The following MACF1 variants were observed in gnomAD, a reference collection of about 807,000 sequenced individuals.
MACF1 encodes the protein microtubule-actin cross-linking factor 1.
Under a neutral mutation model 854.8 loss-of-function variants are expected in MACF1, and 193 were observed. That is an observed-to-expected ratio of 0.23 (90% CI 0.20 to 0.25). The LOEUF (loss-of-function observed/expected upper bound fraction) is 0.25, where lower values mean the gene tolerates loss of function less well. MACF1 is among the 10% of genes least tolerant of loss of function. The pLI is 1.00. For synonymous variants in MACF1, 3,185 were observed against 3,226.7 expected (o/e 0.99, Z 0.44); for missense variants, 7,722 against 8,929.1 (o/e 0.86, Z 5.45).
intron 72 of MACF1, among the ~76,000 whole-genome samples, chr1:39,440,467 A>C (rs149440637): frequency 9.6e-4 from 146 of 152,146 alleles, no homozygotes; most frequent in East Asian, 7.9e-3. Context: ...GCATAAGCCA[A>C]GCCTATCTTG....
intron 56 of MACF1, 62 bp from the exon 57 acceptor site, chr1:39,385,372 A>T (rs925322223): frequency 5.8e-6 from 9 of 1,561,548 alleles, no homozygotes; most frequent in Admixed American, 3.6e-5. Flanking sequence ...CTGGCCTGAC[A>T]CTGCTTTTAG....
intron 2 of MACF1, among the ~76,000 whole-genome samples, chr1:39,247,860 A>G (rs1644999975): frequency 6.6e-6 from 1 of 152,104 alleles, no homozygotes; most frequent in Non-Finnish European, 1.5e-5. Context: ...CGTCTCTACT[A>G]AAAATACAAA....
In MACF1 at chr1:39,105,542, A is replaced by AG; in HGVS notation, c.220+21106dup. 1 of 1,059,572 alleles carries AG rather than the reference A, an allele frequency of 9.4e-7. No individual in the cohort carries two copies. Among genetic ancestry groups the AG allele is most frequent in the South Asian group, 2.6e-5 (1 of 38,276 alleles). The allele number at this position is 1,059,572 out of a possible 1,614,324, so 65.6% of individuals were successfully genotyped here. On this transcript the variant is annotated intron_variant, in intron 2 of 93. Transcript: ENST00000361689. This position sits in a 1 kb window ranked among gnomAD's most constrained non-coding sequence, Gnocchi z 5.9. Reference sequence around the variant, plus strand: ...CGTCTCTGAGACGCACAAAGGGTCGAGGCTGGGGCCGCCGCCGCCTCAGCG... The same window carrying AG: ...CGTCTCTGAGACGCACAAAGGGTCGAGGGCTGGGGCCGCCGCCGCCTCAGCG...
chr1:39,304,672 T>G (rs1646131817), intron 23 of MACF1: 1 of 441,680 alleles, frequency 2.3e-6, no homozygotes, highest in African/African-American at 2.1e-5. Flanking sequence ...CACGCCATTC[T>G]CCTGCCTCAG....
rs1647158995 is a variant in MACF1, at chr1:39,350,663, A to C, written c.10966-122A>C. Reference sequence around the variant, plus strand: ...TTGATTTAAGCCTAAACCTGAAGCAAATTGTAGTTAGGGACTATATACAGG... The same window carrying C: ...TTGATTTAAGCCTAAACCTGAAGCACATTGTAGTTAGGGACTATATACAGG... On this transcript the variant is annotated intron_variant, in intron 42 of 100. Transcript: ENST00000564288. The C allele has an allele frequency of 4.7e-6, 3 of 633,004 alleles. No homozygotes were observed. In the East Asian group the frequency reaches 8.4e-5, roughly 18 times the overall value. 39.2% of individuals were successfully genotyped at this position (633,004 alleles called of 1,614,324 possible).
chr1:39,469,363 G>A (rs1422634061), intron 96 of MACF1, among the ~76,000 whole-genome samples, 184 bp from the exon 97 acceptor site: 1 of 152,158 alleles, frequency 6.6e-6, no homozygotes, highest in East Asian at 1.9e-4. Context: ...ACTGCAACAG[G>A]GAAGAGATGA....
intron 2 of MACF1, among the ~76,000 whole-genome samples, chr1:39,129,579 G>A (rs1642945771): frequency 6.6e-6 from 1 of 152,204 alleles, no homozygotes; most frequent in African/African-American, 2.4e-5. Flanking sequence ...ATGCAGGACA[G>A]TCAGAGTAAG....
chr1:39,160,007 C>A (rs192129277), intron 2 of MACF1, among the ~76,000 whole-genome samples: 2 of 152,140 alleles, frequency 1.3e-5, no homozygotes, highest in South Asian at 2.1e-4. Flanking sequence ...ATATGGAGAG[C>A]TTTGTATGCT....
chr1:39,317,110 C>A, intron 28 of MACF1, 104 bp from the exon 29 acceptor site: 2 of 1,150,018 alleles, frequency 1.7e-6, no homozygotes, highest in Non-Finnish European at 2.5e-6. Flanking sequence ...ATCACATATA[C>A]AATGTGGAAA....
At chr1:39,404,748 G>A (rs1020805365) in intron 58 of MACF1, among the ~76,000 whole-genome samples, 1 of 152,134 alleles carries the variant, frequency 6.6e-6, no homozygotes, top group Non-Finnish European at 1.5e-5. Flanking sequence ...GCTTCTCAAA[G>A]TATTGGAATT....
At chr1:39,178,181 CTTTTTT>C (rs67390335) in intron 2 of MACF1, among the ~76,000 whole-genome samples, 7 of 137,624 alleles carry the variant, frequency 5.1e-5, no homozygotes, top group Admixed American at 1.5e-4. Context: ...TTTCAACATT[CTTTTTT>C]TTTTTTTTTT....
chr1:39,300,496 C>A, intron 22 of MACF1, 134 bp downstream of exon 22: 5 of 832,342 alleles, frequency 6.0e-6, no homozygotes, highest in Non-Finnish European at 6.6e-6. Context: ...GCTGAAGTCT[C>A]TCCTATCATT....
At chr1:39,147,041 TCTC>T (rs1023408038) in intron 2 of MACF1, among the ~76,000 whole-genome samples, 4 of 151,630 alleles carry the variant, frequency 2.6e-5, no homozygotes, top group Non-Finnish European at 4.4e-5. Context: ...TCCTTCTTCT[TCTC>T]CTCCTCCTGT....
Position 39,333,466 on chromosome 1 carries a change from T to C in MACF1, c.6878T>C (p.Leu2293Pro). The change falls in exon 37 of 101, where the codon CTA (leucine) becomes CCA (proline). Residue 2293 changes from leucine (L) to proline (P), a missense_variant. Coordinates refer to ENST00000564288, the MANE Select transcript of MACF1 (RefSeq NM_001394062.1). ...ATLNVLSAQLLDGGIFHEQTG... is the reference protein window; with the variant it reads ...ATLNVLSAQLPDGGIFHEQTG... ...TTAAATGTATTATCTGCACAGTTACTAGATGGTGGTATCTTTCATGAACAA... is the reference window on the plus strand; with the variant it reads ...TTAAATGTATTATCTGCACAGTTACCAGATGGTGGTATCTTTCATGAACAA... 6.2e-7 allele frequency: 1 copy of C among 1,614,194 alleles called. No homozygotes were observed. Among genetic ancestry groups the C allele is most frequent in the Non-Finnish European group, 8.5e-7 (1 of 1,180,022 alleles).
chr1:39,155,818 CA>C lies in MACF1; in HGVS notation c.220+71382del, dbSNP rs542391732. ...CACTGCAACTTCCGCCTCCGGGTTTCAAGCAATTCTCCTGCCTCAGCCTCCC... is the reference window on the plus strand; with the variant it reads ...CACTGCAACTTCCGCCTCCGGGTTTCAGCAATTCTCCTGCCTCAGCCTCCC... On this transcript the variant is annotated intron_variant, in intron 2 of 93. Coordinates refer to the MACF1 transcript ENST00000361689. 9.9e-5 allele frequency among the ~76,000 whole-genome samples: 15 copies of C among 152,228 alleles called. No individual in the cohort carries two copies. The East Asian group carries it at 2.5e-3, about 25-fold the overall frequency.
chr1:39,354,152 TTA>T (rs1647322283), intron 44 of MACF1, among the ~76,000 whole-genome samples: 2 of 152,224 alleles, frequency 1.3e-5, no homozygotes, highest in Admixed American at 6.5e-5. Flanking sequence ...GAGCATCTGC[TTA>T]TATTGATTCC....
At chr1:39,170,976 C>A (rs567508307) in intron 2 of MACF1, among the ~76,000 whole-genome samples, 2 of 152,146 alleles carry the variant, frequency 1.3e-5, no homozygotes, top group Non-Finnish European at 2.9e-5. Context: ...GCTGTTCTGG[C>A]GCCTGGTAGC....
upstream of MACF1, among the ~76,000 whole-genome samples, chr1:39,202,709 A>G (rs142363624): frequency 2.0e-5 from 3 of 151,734 alleles, no homozygotes; most frequent in Non-Finnish European, 4.4e-5. Context: ...AGTATTCTCC[A>G]TAGCATTTAT....
intron 2 of MACF1, among the ~76,000 whole-genome samples, chr1:39,119,330 A>C (rs957759502): frequency 6.6e-6 from 1 of 151,736 alleles, no homozygotes; most frequent in African/African-American, 2.4e-5. Context: ...AAAAAAAAAA[A>C]AAAAAAAACA....
Sources: allele counts gnomAD v4.1 joint callset (sites outside exome capture counted in the v4.1 genomes callset), GRCh38; gene constraint gnomAD v4.1.1; non-coding constraint Gnocchi (gnomAD v3.1); transcripts MANE v1.5; gene names NCBI Gene and HGNC (gene_info 2026-07-23, HGNC 2026-07-21).